The following BRD10 variants were observed in gnomAD, a reference collection of about 807,000 sequenced individuals.
BRD10 encodes uncharacterized bromodomain-containing protein 10.
At chr9:5,898,512 T>C in the BRD10 span, among the ~76,000 whole-genome samples, 1 of 152,150 alleles carries the variant, frequency 6.6e-6, no homozygotes, top group Non-Finnish European at 1.5e-5. Context: ...ATACACGAAT[T>C]TTGGGGGACA....
chr9:5,926,187 A>G, the BRD10 span, among the ~76,000 whole-genome samples: 4 of 152,092 alleles, frequency 2.6e-5, no homozygotes, highest in East Asian at 5.8e-4. Context: ...AAGTGCTGGG[A>G]TTACAGGCGT....
At chr9:5,968,842 A>G in the BRD10 span, 636 of 1,613,734 alleles carry the variant, frequency 3.9e-4, 2 homozygotes, top group African/African-American at 7.8e-3. Flanking sequence ...CCAAATAATC[A>G]TAACCAAGAA....
chr9:5,887,967 TG>T, the BRD10 span, among the ~76,000 whole-genome samples: 1 of 152,200 alleles, frequency 6.6e-6, no homozygotes, highest in Non-Finnish European at 1.5e-5. Context: ...CCATTTTCAG[TG>T]GTGACTATCC....
chr9:6,007,536 G>C, the BRD10 span: 2 of 1,612,984 alleles, frequency 1.2e-6, no homozygotes, highest in African/African-American at 1.3e-5. Flanking sequence ...CGCCCAGGAT[G>C]CGGTAGCCCT....
chr9:5,989,284 G>C, the BRD10 span, among the ~76,000 whole-genome samples: 2 of 144,092 alleles, frequency 1.4e-5, no homozygotes, highest in Non-Finnish European at 3.0e-5. Flanking sequence ...GTCAGGCATG[G>C]TGGTGAGCAC....
chr9:5,972,891 G>A, the BRD10 span, among the ~76,000 whole-genome samples: 2 of 152,004 alleles, frequency 1.3e-5, no homozygotes, highest in Non-Finnish European at 2.9e-5. Context: ...CAGAAAATAA[G>A]TGCCAACAGA....
the BRD10 span, among the ~76,000 whole-genome samples, chr9:5,947,302 A>G: frequency 6.6e-6 from 1 of 152,224 alleles, no homozygotes; most frequent in South Asian, 2.1e-4. Flanking sequence ...ATTTCTAACA[A>G]GTTTCCAGGT....
the BRD10 span, among the ~76,000 whole-genome samples, chr9:5,935,302 T>A: frequency 3.9e-5 from 6 of 152,196 alleles, no homozygotes; most frequent in African/African-American, 1.4e-4. Flanking sequence ...ATTTCTAAAT[T>A]AGCATTTAAA....
the BRD10 span, among the ~76,000 whole-genome samples, chr9:5,886,087 C>A: frequency 2.0e-5 from 3 of 152,194 alleles, no homozygotes; most frequent in South Asian, 2.1e-4. Context: ...GGCTATCAAC[C>A]CTCGTTTGTA....
the BRD10 span, among the ~76,000 whole-genome samples, chr9:5,952,582 C>T: frequency 2.0e-5 from 3 of 152,138 alleles, no homozygotes; most frequent in Admixed American, 1.3e-4. Flanking sequence ...TGATTTCATG[C>T]CTCACTAATG....
At chr9:5,938,973 A>G in the BRD10 span, among the ~76,000 whole-genome samples, 1 of 152,202 alleles carries the variant, frequency 6.6e-6, no homozygotes, top group African/African-American at 2.4e-5. Flanking sequence ...GTAGTACAAC[A>G]GATTTTGTAT....
At chr9:5,920,244 T>A in the BRD10 span, 1 of 1,613,938 alleles carries the variant, frequency 6.2e-7, no homozygotes, top group Non-Finnish European at 8.5e-7. Context: ...GCTCCATATT[T>A]TGGATTAGTA....
At chr9:5,962,298 G>C in the BRD10 span, among the ~76,000 whole-genome samples, 2 of 134,776 alleles carry the variant, frequency 1.5e-5, no homozygotes, top group Non-Finnish European at 3.2e-5. Context: ...AAATAAACTA[G>C]AAAATCTAGA....
the BRD10 span, chr9:5,919,848 G>A: frequency 6.2e-7 from 1 of 1,613,860 alleles, no homozygotes; most frequent in Non-Finnish European, 8.5e-7. Context: ...GCTCCTTCTG[G>A]GCTAACCAAC....
chr9:5,881,859 G>C, the BRD10 span, among the ~76,000 whole-genome samples: 1 of 152,192 alleles, frequency 6.6e-6, no homozygotes, highest in African/African-American at 2.4e-5. Flanking sequence ...CTGAGTGACG[G>C]TTTAGTTCAC....
chr9:5,997,070 T>C, the BRD10 span, among the ~76,000 whole-genome samples: 81 of 152,308 alleles, frequency 5.3e-4, no homozygotes, highest in Admixed American at 9.8e-4. Flanking sequence ...ACTTTCAGAT[T>C]CAGACAATGG....
At chr9:5,991,255 A>G in the BRD10 span, among the ~76,000 whole-genome samples, 2 of 152,198 alleles carry the variant, frequency 1.3e-5, no homozygotes, top group African/African-American at 2.4e-5. Flanking sequence ...TTTTCATATG[A>G]TATGTACGCA....
At chr9:5,969,118 T>C in the BRD10 span, 19 of 1,613,754 alleles carry the variant, frequency 1.2e-5, no homozygotes, top group Non-Finnish European at 1.6e-5. Flanking sequence ...GCCTCAGCGC[T>C]GCTTCCCAGG....
chr9:5,920,648 C>T, the BRD10 span: 58 of 1,613,764 alleles, frequency 3.6e-5, no homozygotes, highest in South Asian at 8.8e-5. Context: ...GAGTGAAGTC[C>T]GAGATTGTCT....
Sources: gnomAD v4.1 joint callset for allele counts (sites outside exome capture counted in the v4.1 genomes callset) on GRCh38, gnomAD v4.1.1 for gene constraint, MANE v1.5 for transcripts, NCBI Gene and HGNC (gene_info 2026-07-23, HGNC 2026-07-21) for gene names.